The following PLCXD3 variants were observed in gnomAD, a reference collection of about 807,000 sequenced individuals.
PLCXD3 encodes the protein phosphatidylinositol specific phospholipase C X domain containing 3.
In PLCXD3, 19 loss-of-function variants were observed where a neutral mutation model predicts 25.5. That is an observed-to-expected ratio of 0.75 (90% CI 0.52 to 1.09). The LOEUF is 1.09. PLCXD3 is among the 50% of genes least tolerant of loss of function. The probability of loss-of-function intolerance (pLI) is 0.00; values close to 1 mark genes in which losing one functional copy is unlikely to be tolerated. For synonymous variants in PLCXD3, 174 were observed against 137.6 expected (o/e 1.26, Z -1.85); for missense variants, 411 against 388.1 (o/e 1.06, Z -0.50).
At chr5:41,345,449 G>A (rs1016090264) in intron 2 of PLCXD3, among the ~76,000 whole-genome samples, 21 of 152,052 alleles carry the variant, frequency 1.4e-4, no homozygotes, top group African/African-American at 5.1e-4. Context: ...TTTATCTAAC[G>A]TTATCTACTC....
chr5:41,423,952 T>C (rs1055601444), intron 1 of PLCXD3, among the ~76,000 whole-genome samples: 23 of 152,214 alleles, frequency 1.5e-4, no homozygotes, highest in African/African-American at 5.5e-4. Context: ...CTTTCTTTTG[T>C]ATGTGTTTTG....
chr5:41,384,725 C>T (rs7730959), intron 1 of PLCXD3, among the ~76,000 whole-genome samples: 4,569 of 152,100 alleles, frequency 0.03, 239 homozygotes, highest in African/African-American at 0.11. Flanking sequence ...GAAATCACCA[C>T]TTTTGAAAAC....
chr5:41,403,047 G>A lies in PLCXD3; in HGVS notation c.104-20513C>T, dbSNP rs1380997. On this transcript the variant is annotated intron_variant, in intron 1 of 2. Transcript: ENST00000377801. ...ATACACCATTTATATTTACTTTGTC[G>A]CATCTGTCCTGCATTCCTGTTTTTC... 8.1e-3 allele frequency among the ~76,000 whole-genome samples: 1,224 copies of A among 151,928 alleles called. 9 individuals are homozygous for A. Among genetic ancestry groups the A allele is most frequent in the African/African-American group, 0.026 (1,076 of 41,460 alleles).
At chr5:41,392,418 G>C (rs1008177073) in intron 1 of PLCXD3, among the ~76,000 whole-genome samples, 3 of 152,118 alleles carry the variant, frequency 2.0e-5, no homozygotes, top group Non-Finnish European at 4.4e-5. Context: ...GTCTCTGCCT[G>C]GTAATCCAGA....
At chr5:41,325,612 T>G (rs1415793671) in intron 2 of PLCXD3, among the ~76,000 whole-genome samples, 2 of 152,198 alleles carry the variant, frequency 1.3e-5, no homozygotes, top group Non-Finnish European at 2.9e-5. Flanking sequence ...AATTTTTGTT[T>G]TTTTGCCATT....
At chr5:41,504,148 T>C (rs535959563) in intron 1 of PLCXD3, among the ~76,000 whole-genome samples, 1 of 152,208 alleles carries the variant, frequency 6.6e-6, no homozygotes, top group Non-Finnish European at 1.5e-5. Context: ...GCCTGCTCAG[T>C]GGGAAAAATA....
At chr5:41,336,283 G>A (rs1046444546) in intron 2 of PLCXD3, among the ~76,000 whole-genome samples, 3 of 152,116 alleles carry the variant, frequency 2.0e-5, no homozygotes, top group Middle Eastern at 3.2e-3. Context: ...CAGAGTGTCT[G>A]AATTCAAATC....
At chr5:41,456,687 A>T in intron 1 of PLCXD3, 1 of 193,944 alleles carries the variant, frequency 5.2e-6, no homozygotes, top group Non-Finnish European at 9.4e-6. Flanking sequence ...TGGAGCTCTT[A>T]TGAATAAGGT....
chr5:41,431,489 C>T (rs968950252), intron 1 of PLCXD3, among the ~76,000 whole-genome samples: 3 of 152,268 alleles, frequency 2.0e-5, no homozygotes, highest in South Asian at 2.1e-4. Flanking sequence ...ATTTATCCTA[C>T]ATTTTCATGC....
intron 1 of PLCXD3, among the ~76,000 whole-genome samples, chr5:41,402,324 C>T (rs529535722): frequency 6.6e-6 from 1 of 151,738 alleles, no homozygotes; most frequent in South Asian, 2.1e-4. Context: ...AATTTTCCCT[C>T]TGATTTATTC....
intron 1 of PLCXD3, among the ~76,000 whole-genome samples, chr5:41,434,333 T>C (rs1169174437): frequency 1.3e-5 from 2 of 152,230 alleles, no homozygotes; most frequent in African/African-American, 4.8e-5. Context: ...GCTGGGGATG[T>C]GATGTGAACA....
chr5:41,356,713 T>C (rs1328201810), intron 2 of PLCXD3, among the ~76,000 whole-genome samples: 2 of 152,320 alleles, frequency 1.3e-5, no homozygotes, highest in East Asian at 3.9e-4. Context: ...AAACACATGC[T>C]ATGAGCTCTT....
At chr5:41,442,890 T>C (rs1035508676) in intron 1 of PLCXD3, among the ~76,000 whole-genome samples, 6 of 86,414 alleles carry the variant, frequency 6.9e-5, no homozygotes, top group African/African-American at 1.7e-4. Flanking sequence ...TTTATTTCTG[T>C]CCTTCCCTTG....
At chr5:41,323,843 T>C (rs1743546531) in intron 2 of PLCXD3, among the ~76,000 whole-genome samples, 1 of 152,200 alleles carries the variant, frequency 6.6e-6, no homozygotes, top group African/African-American at 2.4e-5. Context: ...AGAAGTATTC[T>C]GGCACGTGGA....
At chr5:41,338,166 T>A (rs1018399251) in intron 2 of PLCXD3, among the ~76,000 whole-genome samples, 3 of 152,178 alleles carry the variant, frequency 2.0e-5, no homozygotes, top group Non-Finnish European at 2.9e-5. Context: ...AGTAGTCATA[T>A]TCTCTACAAA....
intron 2 of PLCXD3, among the ~76,000 whole-genome samples, chr5:41,362,067 G>A (rs758246473): frequency 6.6e-6 from 1 of 152,172 alleles, no homozygotes; most frequent in Non-Finnish European, 1.5e-5. Context: ...TGGGGATTTA[G>A]AAATATTCTG....
chr5:41,404,389 A>G (rs1407046464), intron 1 of PLCXD3, among the ~76,000 whole-genome samples: 1 of 152,026 alleles, frequency 6.6e-6, no homozygotes, highest in Non-Finnish European at 1.5e-5. Flanking sequence ...CGGCACAAAC[A>G]TCTATTCACC....
intron 1 of PLCXD3, among the ~76,000 whole-genome samples, chr5:41,488,575 T>A (rs1201814590): frequency 1.4e-5 from 2 of 143,794 alleles, no homozygotes; most frequent in East Asian, 2.0e-4. Flanking sequence ...TTTCTCCACA[T>A]CCTCTCCAGC....
chr5:41,349,257 T>G (rs988284650), intron 2 of PLCXD3, among the ~76,000 whole-genome samples: 4 of 152,158 alleles, frequency 2.6e-5, no homozygotes, highest in Non-Finnish European at 5.9e-5. Context: ...CTGCACTTAT[T>G]AGAGGTTGTT....
Sources: gnomAD v4.1 joint callset for allele counts (sites outside exome capture counted in the v4.1 genomes callset) on GRCh38, gnomAD v4.1.1 for gene constraint, MANE v1.5 for transcripts, NCBI Gene and HGNC (gene_info 2026-07-23, HGNC 2026-07-21) for gene names.